NLGN1: variants seen among roughly 807,000 people sequenced by gnomAD.
NLGN1 encodes neuroligin-1.
NLGN1 carries 12 observed loss-of-function variants against 65.5 expected under a neutral mutation model. The ratio of observed to expected loss-of-function variants is 0.18; its 90% CI spans 0.12 to 0.30. The LOEUF (loss-of-function observed/expected upper bound fraction) is 0.30. Ranked by LOEUF, NLGN1 falls within the 10% of genes least tolerant of loss-of-function variation. The probability of loss-of-function intolerance (pLI) is 1.00; values close to 1 mark genes in which losing one functional copy is unlikely to be tolerated. For synonymous variants in NLGN1, 350 were observed against 359.5 expected (o/e 0.97, Z 0.30); for missense variants, 750 against 1,007.1 (o/e 0.74, Z 3.46).
At chr3:174,039,031 A>G (rs1330885283) in intron 4 of NLGN1, among the ~76,000 whole-genome samples, 2 of 152,202 alleles carry the variant, frequency 1.3e-5, no homozygotes, top group Non-Finnish European at 2.9e-5. Flanking sequence ...ATGAGCATCA[A>G]AAATTGCTCA....
chr3:174,238,645 A>G (rs544962520), intron 4 of NLGN1, among the ~76,000 whole-genome samples: 1 of 152,212 alleles, frequency 6.6e-6, no homozygotes, highest in Admixed American at 6.5e-5. Context: ...AAGGCGTGAG[A>G]CACCGCGCCC....
intron 2 of NLGN1, among the ~76,000 whole-genome samples, chr3:173,487,594 A>G (rs1285364448): frequency 1.3e-5 from 2 of 152,042 alleles, no homozygotes; most frequent in East Asian, 3.8e-4. Flanking sequence ...GGCTTTTGTC[A>G]AATTCTCTTT....
chr3:173,935,754 T>C (rs1216818179), intron 4 of NLGN1, among the ~76,000 whole-genome samples: 2 of 151,988 alleles, frequency 1.3e-5, no homozygotes, highest in Non-Finnish European at 2.9e-5. Context: ...TTTTATTTTG[T>C]GTGTATGTAT....
chr3:174,172,027 T>A (rs1339361492), intron 4 of NLGN1, among the ~76,000 whole-genome samples: 2 of 152,156 alleles, frequency 1.3e-5, no homozygotes, highest in Admixed American at 6.6e-5. Flanking sequence ...TTTTTGGATC[T>A]TTGCATGCCA....
At chr3:173,992,930 C>G (rs1230124432) in intron 4 of NLGN1, among the ~76,000 whole-genome samples, 1 of 152,102 alleles carries the variant, frequency 6.6e-6, no homozygotes, top group East Asian at 1.9e-4. Flanking sequence ...TGGAATGGAT[C>G]TTAATTTTAT....
chr3:173,633,552 T>G (rs2149552637), intron 3 of NLGN1, among the ~76,000 whole-genome samples: 1 of 152,284 alleles, frequency 6.6e-6, no homozygotes, highest in African/African-American at 2.4e-5. Context: ...AAGTTCACCC[T>G]ATGGAAAGAA....
intron 2 of NLGN1, among the ~76,000 whole-genome samples, chr3:173,466,350 TG>T (rs1454451781): frequency 6.6e-6 from 1 of 152,116 alleles, no homozygotes; most frequent in Non-Finnish European, 1.5e-5. Flanking sequence ...TCTGGCTTAC[TG>T]GGAAAAAATA....
chr3:174,100,657 C>G (rs971967751), intron 4 of NLGN1, among the ~76,000 whole-genome samples: 1 of 151,982 alleles, frequency 6.6e-6, no homozygotes, highest in African/African-American at 2.4e-5. Context: ...AGCCACCAGG[C>G]TTCACATAGG....
chr3:173,884,833 C>T (rs1734028033), intron 4 of NLGN1, among the ~76,000 whole-genome samples: 1 of 152,096 alleles, frequency 6.6e-6, no homozygotes, highest in South Asian at 2.1e-4. Context: ...GGTTAAGGTG[C>T]CGACAGGTTC....
chr3:174,247,188 A>T (rs993438409), intron 4 of NLGN1, among the ~76,000 whole-genome samples: 1 of 152,324 alleles, frequency 6.6e-6, no homozygotes, highest in African/African-American at 2.4e-5. Flanking sequence ...TGTTACTTGG[A>T]GATCAATATC....
At chr3:173,497,327 G>T (rs1730188846) in intron 2 of NLGN1, among the ~76,000 whole-genome samples, 1 of 151,470 alleles carries the variant, frequency 6.6e-6, no homozygotes, top group South Asian at 2.1e-4. Context: ...GGTGGAGATT[G>T]CAGTGAGCCA....
intron 4 of NLGN1, among the ~76,000 whole-genome samples, chr3:173,925,867 G>T (rs1742907437): frequency 6.6e-6 from 1 of 151,918 alleles, no homozygotes. Context: ...CCTTTAAAAA[G>T]TTGATTATTT....
intron 4 of NLGN1, among the ~76,000 whole-genome samples, chr3:174,167,821 C>T (rs926261492): frequency 1.3e-5 from 2 of 151,116 alleles, no homozygotes; most frequent in Admixed American, 1.3e-4. Flanking sequence ...TTTTTTCTTT[C>T]TCTCTCAGAA....
At chr3:173,869,230 A>G (rs1730734885) in intron 4 of NLGN1, among the ~76,000 whole-genome samples, 2 of 152,198 alleles carry the variant, frequency 1.3e-5, no homozygotes, top group African/African-American at 4.8e-5. Flanking sequence ...ACTGCTAGAA[A>G]TAAAAATAAT....
At chr3:174,088,304 A>G (rs1208688162) in intron 4 of NLGN1, among the ~76,000 whole-genome samples, 1 of 152,182 alleles carries the variant, frequency 6.6e-6, no homozygotes, top group Non-Finnish European at 1.5e-5. Flanking sequence ...CTAGAACAGG[A>G]AATAGAGATT....
At chr3:174,127,703 A>G (rs1719252602) in intron 4 of NLGN1, among the ~76,000 whole-genome samples, 1 of 152,152 alleles carries the variant, frequency 6.6e-6, no homozygotes, top group Non-Finnish European at 1.5e-5. Context: ...GCTTGAGTTG[A>G]GTGTAATAAC....
chr3:173,828,722 G>A (rs1215929477), intron 4 of NLGN1, among the ~76,000 whole-genome samples: 2 of 152,048 alleles, frequency 1.3e-5, no homozygotes, highest in Non-Finnish European at 1.5e-5. Flanking sequence ...GTAAAGACGT[G>A]ATTGATGTGA....
chr3:173,533,454 C>T (rs531374172), intron 2 of NLGN1, among the ~76,000 whole-genome samples: 4 of 152,130 alleles, frequency 2.6e-5, no homozygotes, highest in Non-Finnish European at 5.9e-5. Flanking sequence ...AGTATGCAGG[C>T]AACTCCCCAT....
At chr3:174,175,709 G>A (rs1729322475) in intron 4 of NLGN1, among the ~76,000 whole-genome samples, 1 of 151,838 alleles carries the variant, frequency 6.6e-6, no homozygotes, top group African/African-American at 2.4e-5. Flanking sequence ...TTAAAAATTT[G>A]TGAGGTACAA....
Sources: gnomAD v4.1 joint callset for allele counts (sites outside exome capture counted in the v4.1 genomes callset) on GRCh38, gnomAD v4.1.1 for gene constraint, MANE v1.5 for transcripts, NCBI Gene and HGNC (gene_info 2026-07-23, HGNC 2026-07-21) for gene names.